Variants in PPM1H observed in about 807,000 individuals in gnomAD.
PPM1H encodes the protein protein phosphatase 1H.
A neutral mutation model predicts 54.9 loss-of-function variants in PPM1H; 27 were observed. The ratio of observed to expected loss-of-function variants is 0.49; its 90% CI spans 0.36 to 0.68. PPM1H has a LOEUF of 0.68. Ranked by LOEUF, PPM1H falls within the 30% of genes least tolerant of loss-of-function variation. The pLI is 0.00. For synonymous variants in PPM1H, 305 were observed against 270.8 expected, an observed-to-expected ratio of 1.13 and a Z score of -1.24; for missense variants, 596 against 667.8, an observed-to-expected ratio of 0.89 and a Z score of 1.19.
At chr12:62,840,431 G>C (rs1295007238) in intron 1 of PPM1H, among the ~76,000 whole-genome samples, 4 of 152,158 alleles carry the variant, frequency 2.6e-5, no homozygotes, top group Non-Finnish European at 1.5e-5. Flanking sequence ...CACACATTTA[G>C]TCCATTGGCC....
intron 4 of PPM1H, 39 bp from the exon 5 acceptor site, chr12:62,737,625 T>C: frequency 1.5e-6 from 2 of 1,350,800 alleles, no homozygotes; most frequent in Non-Finnish European, 2.1e-6. Flanking sequence ...GCCAATCTCA[T>C]AAATGCTCTG....
intron 1 of PPM1H, among the ~76,000 whole-genome samples, chr12:62,884,501 CA>C (rs6144736): frequency 2.9e-3 from 263 of 89,970 alleles, no homozygotes; most frequent in Non-Finnish European, 4.1e-3. Flanking sequence ...AACTCCATAT[CA>C]AAAAAAAAAA....
At chr12:62,751,337 G>C (rs1478728267) in intron 4 of PPM1H, among the ~76,000 whole-genome samples, 1 of 152,174 alleles carries the variant, frequency 6.6e-6, no homozygotes, top group African/African-American at 2.4e-5. Flanking sequence ...AATTCAAGGG[G>C]TGGAAAATAG....
intron 8 of PPM1H, among the ~76,000 whole-genome samples, chr12:62,688,896 T>A (rs2136636555): frequency 6.6e-6 from 1 of 152,316 alleles, no homozygotes; most frequent in East Asian, 1.9e-4. Context: ...CTCGGGAGGC[T>A]GAGACAGGAG....
chr12:62,802,113 G>A lies in PPM1H; in HGVS notation c.459C>T (p.His153=), dbSNP rs1383989585. 19 of 1,598,202 alleles carry A rather than the reference G, an allele frequency of 1.2e-5. No homozygotes were observed. The highest frequency in any genetic ancestry group is 2.7e-5 in the African/African-American group (2 of 74,474). ...SCHYWSLFDG[H]AGSGAAVVAS... is the part of the protein sequence containing the mutation. ...CCACCACCGCGGCCCCGGACCCCGC[G>A]TGCCCGTCAAACAGCGACCAATAGT... Residue 153 remains histidine, a synonymous_variant, in exon 3 of 10, where the codon CAC becomes CAT. Transcript: ENST00000228705.
Position 62,802,107 on chromosome 12 carries a change from C to A in PPM1H, c.465G>T (p.Gly155=). ...GTGACGCCACCACCGCGGCCCCGGA[C>A]CCCGCGTGCCCGTCAAACAGCGACC... ...HYWSLFDGHA[G]SGAAVVASRL... is the part of the protein sequence containing the mutation. The change falls in exon 3 of 10, where the codon GGG becomes GGT. Residue 155 remains glycine, a synonymous_variant. Transcript: ENST00000228705. 2 of 1,599,428 alleles carry A rather than the reference C, an allele frequency of 1.3e-6. No individual in the cohort carries two copies. The highest frequency in any genetic ancestry group is 1.7e-6 in the Non-Finnish European group (2 of 1,172,382).
At chr12:62,775,923 C>T (rs181700168) in intron 4 of PPM1H, among the ~76,000 whole-genome samples, 7 of 152,280 alleles carry the variant, frequency 4.6e-5, no homozygotes, top group Admixed American at 6.5e-5. Flanking sequence ...GAGGTTTAAT[C>T]GACTCACAGT....
intron 9 of PPM1H, among the ~76,000 whole-genome samples, 196 bp downstream of exon 9, chr12:62,666,982 G>A (rs2075922294): frequency 6.6e-6 from 1 of 152,178 alleles, no homozygotes; most frequent in Non-Finnish European, 1.5e-5. Context: ...AAAGTGCTGG[G>A]ATTATAGGCA....
At chr12:62,821,690 C>A (rs563740074) in intron 2 of PPM1H, among the ~76,000 whole-genome samples, 1 of 152,130 alleles carries the variant, frequency 6.6e-6, no homozygotes, top group Admixed American at 6.6e-5. Flanking sequence ...GAAATAAAAT[C>A]CTTTACAGAC....
chr12:62,793,740 C>CAAAAACAAAA (rs2076714397), intron 3 of PPM1H, among the ~76,000 whole-genome samples: 1 of 61,200 alleles, frequency 1.6e-5, no homozygotes, highest in Non-Finnish European at 3.2e-5. Context: ...AACTCCGTTT[C>CAAAAACAAAA]AAAAAAAAAA....
intron 1 of PPM1H, among the ~76,000 whole-genome samples, chr12:62,865,737 T>A (rs1368764481): frequency 6.6e-6 from 1 of 152,028 alleles, no homozygotes; most frequent in Non-Finnish European, 1.5e-5. Context: ...GATCAAATGA[T>A]CCACCTGCCT....
At chr12:62,786,618 G>A in intron 4 of PPM1H, among the ~76,000 whole-genome samples, 1 of 152,222 alleles carries the variant, frequency 6.6e-6, no homozygotes, top group East Asian at 1.9e-4. Flanking sequence ...TCCTTCCCTG[G>A]TTCCTCAGGG....
chr12:62,797,136 CAA>C (rs2120731820), intron 3 of PPM1H, among the ~76,000 whole-genome samples: 1 of 152,126 alleles, frequency 6.6e-6, no homozygotes, highest in African/African-American at 2.4e-5. Flanking sequence ...TAGACAGAAA[CAA>C]AGAGAGTCCA....
chr12:62,703,375 C>G (rs61919543), intron 6 of PPM1H, among the ~76,000 whole-genome samples: 1 of 149,038 alleles, frequency 6.7e-6, no homozygotes, highest in Non-Finnish European at 1.5e-5. Context: ...ATAAAAGGAG[C>G]CCTTTTTTTT....
intron 1 of PPM1H, among the ~76,000 whole-genome samples, chr12:62,859,274 A>C (rs918795511): frequency 1.3e-5 from 2 of 152,162 alleles, no homozygotes; most frequent in African/African-American, 4.8e-5. Context: ...AGTGTGTAAA[A>C]AGCAAGGTCA....
chr12:62,741,184 C>T (rs1465928523), intron 4 of PPM1H, among the ~76,000 whole-genome samples: 1 of 152,094 alleles, frequency 6.6e-6, no homozygotes, highest in Admixed American at 6.5e-5. Flanking sequence ...CCATTCTAGA[C>T]TCCTCCCTTT....
intron 5 of PPM1H, among the ~76,000 whole-genome samples, chr12:62,737,227 A>AC (rs1183858376): frequency 2.8e-4 from 42 of 151,002 alleles, no homozygotes; most frequent in South Asian, 2.5e-3. Context: ...TAAAAAAAAA[A>AC]AAAAACAAAA....
chr12:62,770,932 G>A (rs1390773808), intron 4 of PPM1H, among the ~76,000 whole-genome samples: 2 of 152,082 alleles, frequency 1.3e-5, no homozygotes, highest in Admixed American at 6.5e-5. Context: ...CCAGCACAGA[G>A]GGTCAGGGCA....
intron 6 of PPM1H, among the ~76,000 whole-genome samples, chr12:62,707,012 G>A (rs1175966699): frequency 6.6e-6 from 1 of 152,170 alleles, no homozygotes; most frequent in Non-Finnish European, 1.5e-5. Context: ...GTGCTCAGGT[G>A]CAATAAACTC....
Sources: gnomAD v4.1 joint callset for allele counts (sites outside exome capture counted in the v4.1 genomes callset) on GRCh38, gnomAD v4.1.1 for gene constraint, MANE v1.5 for transcripts, NCBI Gene and HGNC (gene_info 2026-07-23, HGNC 2026-07-21) for gene names.